Variants in TPGS1 observed in about 807,000 individuals in gnomAD.
TPGS1 encodes the protein tubulin polyglutamylase complex subunit 1.
In TPGS1, 18 loss-of-function variants were observed where a neutral mutation model predicts 11.9. The ratio of observed to expected loss-of-function variants is 1.51; its 90% CI spans 1.04 to 2.24. The LOEUF is 2.24. TPGS1 is among the 30% of genes most tolerant of loss of function. The pLI, the probability that TPGS1 is intolerant of heterozygous loss-of-function variation, is 0.00. For missense variants in TPGS1, 500 were observed against 443.0 expected, an observed-to-expected ratio of 1.13 and a Z score of -1.16; for synonymous variants, 247 against 218.2, an observed-to-expected ratio of 1.13 and a Z score of -1.16.
Position 519,627 on chromosome 19 carries a change from A to C in TPGS1, c.*204A>C, listed in dbSNP as rs985069764. The C allele has an allele frequency of 3.0e-6, 1 of 329,966 alleles. No individual in the cohort carries two copies. The highest frequency in any genetic ancestry group is 5.2e-6 in the Non-Finnish European group (1 of 190,984). The allele number at this position is 329,966 out of a possible 1,614,324, so 20.4% of individuals were successfully genotyped here. A position where few individuals can be genotyped will look rare whatever the true frequency, so the allele number is the denominator to read the frequency against. The stretch of plus-strand genomic sequence containing the variant: ...CCACCCCCGCGGGAGCCCCTGCCCC[A>C]CGCTAATAAAATGTGTTGCGAGGCT... On this transcript the variant is annotated 3_prime_UTR_variant, in exon 2 of 2. Coordinates refer to ENST00000359315, the MANE Select transcript of TPGS1 (RefSeq NM_033513.3).
chr19:519,618 C>A lies in TPGS1; in HGVS notation c.*195C>A. The A allele has an allele frequency of 2.9e-6, 1 of 349,400 alleles. No individual in the cohort carries two copies. The highest frequency in any genetic ancestry group is 4.8e-6 in the Non-Finnish European group (1 of 206,736). The allele number at this position is 349,400 out of a possible 1,614,324, so 21.6% of individuals were successfully genotyped here. On this transcript the variant is annotated 3_prime_UTR_variant, in exon 2 of 2. Transcript: ENST00000359315. ...GCCGCCCCTCCACCCCCGCGGGAGC[C>A]CCTGCCCCACGCTAATAAAATGTGT...
chr19:512,199 T>C (rs957865474), intron 1 of TPGS1, among the ~76,000 whole-genome samples: 1 of 152,104 alleles, frequency 6.6e-6, no homozygotes, highest in Non-Finnish European at 1.5e-5. Flanking sequence ...AGGGTCTTGC[T>C]GTCACGCAGC....
In TPGS1 at chr19:507,541, C is replaced by T; in HGVS notation, c.35C>T (p.Pro12Leu). The T allele has an allele frequency of 7.0e-7, 1 of 1,418,854 alleles. No individual in the cohort carries two copies. Among genetic ancestry groups the T allele is most frequent in the Non-Finnish European group, 9.2e-7 (1 of 1,082,522 alleles). 87.9% of individuals were successfully genotyped at this position (1,418,854 alleles called of 1,614,324 possible). Reference protein sequence around the residue: ...AAVEKRRQAVPPPAGFTDSGR... With the variant: ...AAVEKRRQAVLPPAGFTDSGR... ...GTGGAGAAGCGGCGGCAAGCGGTAC[C>T]ACCGCCGGCCGGTTTCACGGACAGC... is the stretch of plus-strand genomic sequence containing the variant. Residue 12 changes from proline (P) to leucine (L), a missense_variant, in exon 1 of 2, where the codon CCA becomes CTA. Pro to Leu is a moderately conservative substitution (Grantham distance 98). Coordinates refer to ENST00000359315, the MANE Select transcript of TPGS1 (RefSeq NM_033513.3).
At chr19:511,229 G>A (rs949740472) in intron 1 of TPGS1, among the ~76,000 whole-genome samples, 1 of 152,150 alleles carries the variant, frequency 6.6e-6, no homozygotes, top group African/African-American at 2.4e-5. Flanking sequence ...CGAGCCCAGA[G>A]CTTGCTGCCT....
Position 519,490 on chromosome 19 carries a change from T to C in TPGS1, c.*67T>C. Reference sequence around the variant, plus strand: ...CCCCGCGTGCGGGGCGCGCGGAGCCTTCCCTTCGCCCTGGTGAGGCCCTGC... The same window carrying C: ...CCCCGCGTGCGGGGCGCGCGGAGCCCTCCCTTCGCCCTGGTGAGGCCCTGC... On this transcript the variant is annotated 3_prime_UTR_variant, in exon 2 of 2. Coordinates refer to ENST00000359315, the MANE Select transcript of TPGS1 (RefSeq NM_033513.3). 8.7e-7 allele frequency: 1 copy of C among 1,155,344 alleles called. No homozygotes were observed. Among genetic ancestry groups the C allele is most frequent in the Non-Finnish European group, 1.1e-6 (1 of 935,038 alleles). 71.6% of individuals were successfully genotyped at this position (1,155,344 alleles called of 1,614,324 possible). A position where few individuals can be genotyped will look rare whatever the true frequency, so the allele number is the denominator to read the frequency against.
At chr19:514,569 C>T (rs1017476855) in intron 1 of TPGS1, among the ~76,000 whole-genome samples, 7 of 152,330 alleles carry the variant, frequency 4.6e-5, no homozygotes, top group South Asian at 2.1e-4. Context: ...AGCACTTCCC[C>T]GGCACCTACC....
chr19:511,678 G>T (rs1171639473), intron 1 of TPGS1, among the ~76,000 whole-genome samples: 2 of 152,258 alleles, frequency 1.3e-5, no homozygotes, highest in African/African-American at 2.4e-5. Flanking sequence ...TGCTTGCGGA[G>T]CTGGACCAGG....
At position 507,823 on chromosome 19, in the gene TPGS1, G is replaced by T; in HGVS notation, c.317G>T (p.Arg106Leu). The change falls in exon 1 of 2, where the codon CGC (arginine) becomes CTC (leucine). Residue 106 changes from arginine (R) to leucine (L), a missense_variant. Coordinates refer to ENST00000359315, the MANE Select transcript of TPGS1 (RefSeq NM_033513.3). Reference sequence around the variant, plus strand: ...CTGGGCCGCGCGCTATGGCACCTTCGCCTGGCCCACCACTCCCAGAGGTGC... The same window carrying T: ...CTGGGCCGCGCGCTATGGCACCTTCTCCTGGCCCACCACTCCCAGAGGTGC... ...QRLGRALWHL[R>L]LAHHSQRAAF... 1.5e-6 allele frequency: 2 copies of T among 1,350,270 alleles called. No individual in the cohort carries two copies. Among genetic ancestry groups the T allele is most frequent in the Non-Finnish European group, 1.9e-6 (2 of 1,053,570 alleles). 83.6% of individuals were successfully genotyped at this position (1,350,270 alleles called of 1,614,324 possible).
rs1303148487 is a variant in TPGS1 at position 507,860 on chromosome 19, G to A, written c.338+16G>A. ...ACTCCCAGAGGTGCGCAGTGGGCCG[G>A]CTTGGGCGGGTGGGGCAGCGATGGA... On this transcript the variant is annotated intron_variant, in intron 1 of 1. Transcript: ENST00000359315. 1.5e-6 allele frequency: 2 copies of A among 1,313,662 alleles called. No homozygotes were observed. Among genetic ancestry groups the A allele is most frequent in the Non-Finnish European group, 1.9e-6 (2 of 1,031,162 alleles). The allele number at this position is 1,313,662 out of a possible 1,614,324, so 81.4% of individuals were successfully genotyped here. A position where few individuals can be genotyped will look rare whatever the true frequency, so the allele number is the denominator to read the frequency against.
chr19:512,604 A>T (rs1978831067), intron 1 of TPGS1, among the ~76,000 whole-genome samples: 1 of 152,244 alleles, frequency 6.6e-6, no homozygotes, highest in Non-Finnish European at 1.5e-5. Flanking sequence ...CAGGGGGCAA[A>T]GCAAGGCCCA....
chr19:519,416 T>C lies in TPGS1; in HGVS notation c.866T>C (p.Val289Ala). The C allele has an allele frequency of 8.2e-7, 1 of 1,219,076 alleles. No homozygotes were observed. Among genetic ancestry groups the C allele is most frequent in the Non-Finnish European group, 1.0e-6 (1 of 978,446 alleles). 75.5% of individuals were successfully genotyped at this position (1,219,076 alleles called of 1,614,324 possible). The part of the protein sequence containing the change: ...AALFIAKVKP[V>A]G Reference sequence around the variant, plus strand: ...CTCTTCATCGCGAAGGTCAAGCCGGTGGGCTGAGGCCCGTGGGCCGCGCGG... The same window carrying C: ...CTCTTCATCGCGAAGGTCAAGCCGGCGGGCTGAGGCCCGTGGGCCGCGCGG... The change falls in exon 2 of 2, where the codon GTG (valine) becomes GCG (alanine). Residue 289 changes from valine to alanine, a missense_variant. Transcript: ENST00000359315.
chr19:509,508 G>C (rs1272789249), intron 1 of TPGS1: 3 of 152,370 alleles, frequency 2.0e-5, no homozygotes, highest in Non-Finnish European at 4.4e-5. Context: ...AAATCGGAGT[G>C]TCAGGAGGAC....
chr19:518,163 A>G (rs1402347298), intron 1 of TPGS1, among the ~76,000 whole-genome samples: 6 of 31,234 alleles, frequency 1.9e-4, no homozygotes, highest in East Asian at 9.2e-4. Context: ...AGGGAGGCCC[A>G]GGCTGGGAGT....
chr19:518,984 A>T lies in TPGS1; in HGVS notation c.434A>T (p.Glu145Val). Residue 145 changes from glutamate to valine, a missense_variant, in exon 2 of 2, where the codon GAG becomes GTG. Transcript: ENST00000359315. Reference protein sequence around the residue: ...RPGLDGRTYSELLRRICRDGQ... With the variant: ...RPGLDGRTYSVLLRRICRDGQ... ...GGGCTGGACGGGCGCACCTACAGCGAGCTGCTCAGGCGCATCTGCCGGGAC... is the reference window on the plus strand; with the variant it reads ...GGGCTGGACGGGCGCACCTACAGCGTGCTGCTCAGGCGCATCTGCCGGGAC... 1 of 1,583,414 alleles carries T rather than the reference A, an allele frequency of 6.3e-7. No individual in the cohort carries two copies. Among genetic ancestry groups the T allele is most frequent in the South Asian group, 1.1e-5 (1 of 88,450 alleles).
Position 519,556 on chromosome 19 carries a change from C to G in TPGS1, c.*133C>G. On this transcript the variant is annotated 3_prime_UTR_variant, in exon 2 of 2. Coordinates refer to ENST00000359315, the MANE Select transcript of TPGS1 (RefSeq NM_033513.3). ...AGCCCTGCGGAGGAGGCCGGGGCTC[C>G]CAGGAAGCGGACGCCCGGTCCCCAC... is the stretch of plus-strand genomic sequence containing the variant. The G allele has an allele frequency of 1.1e-6, 1 of 892,096 alleles. No homozygotes were observed. The allele number at this position is 892,096 out of a possible 1,614,324, so 55.3% of individuals were successfully genotyped here.
chr19:511,381 G>A (rs1978790543), intron 1 of TPGS1, among the ~76,000 whole-genome samples: 1 of 152,282 alleles, frequency 6.6e-6, no homozygotes, highest in Non-Finnish European at 1.5e-5. Flanking sequence ...TCACCAGGCT[G>A]TAATTACCTC....
intron 1 of TPGS1, among the ~76,000 whole-genome samples, chr19:518,162 C>T (rs1332032937): frequency 1.8e-4 from 9 of 49,250 alleles, no homozygotes; most frequent in East Asian, 5.5e-4. Context: ...GAGGGAGGCC[C>T]AGGCTGGGAG....
intron 1 of TPGS1, chr19:508,063 C>G (rs1027883560): frequency 2.5e-6 from 1 of 401,020 alleles, no homozygotes; most frequent in Non-Finnish European, 4.4e-6. Flanking sequence ...CGGCGCGAGT[C>G]CTTCTGGCCG....
intron 1 of TPGS1, among the ~76,000 whole-genome samples, chr19:515,184 G>T (rs1978914136): frequency 6.6e-6 from 1 of 152,194 alleles, no homozygotes; most frequent in Non-Finnish European, 1.5e-5. Flanking sequence ...CAGGCAGCAG[G>T]TCGTATTTGA....
Sources: gnomAD v4.1 joint callset for allele counts (sites outside exome capture counted in the v4.1 genomes callset) on GRCh38, gnomAD v4.1.1 for gene constraint, MANE v1.5 for transcripts, NCBI Gene and HGNC (gene_info 2026-07-23, HGNC 2026-07-21) for gene names.